RABGAP1: variants seen among roughly 807,000 people sequenced by gnomAD.
The protein encoded by RABGAP1 is rab GTPase-activating protein 1.
A neutral mutation model predicts 137.6 loss-of-function variants in RABGAP1; 23 were observed. The ratio of observed to expected loss-of-function variants is 0.17; its 90% CI spans 0.12 to 0.24. RABGAP1 has a LOEUF of 0.24. RABGAP1 is among the 10% of genes least tolerant of loss of function. RABGAP1 has a pLI of 1.00. For missense variants in RABGAP1, 906 were observed against 1,275.8 expected, an observed-to-expected ratio of 0.71 and a Z score of 4.42; for synonymous variants, 451 against 450.7, an observed-to-expected ratio of 1.00 and a Z score of -0.01.
At chr9:123,029,103 C>G (rs114789951) in intron 13 of RABGAP1, among the ~76,000 whole-genome samples, 92 of 152,056 alleles carry the variant, frequency 6.1e-4, no homozygotes, top group African/African-American at 2.2e-3. Context: ...GGTGTAGTGG[C>G]AAAGGGATGG....
At chr9:122,982,589 C>T (rs1425570573) in intron 2 of RABGAP1, among the ~76,000 whole-genome samples, 2 of 152,154 alleles carry the variant, frequency 1.3e-5, no homozygotes, top group Non-Finnish European at 1.5e-5. Flanking sequence ...TAACTCTATT[C>T]CTATATGTTA....
At chr9:122,969,035 A>G (rs1180979667) in intron 2 of RABGAP1, among the ~76,000 whole-genome samples, 3 of 152,254 alleles carry the variant, frequency 2.0e-5, no homozygotes, top group Non-Finnish European at 4.4e-5. Flanking sequence ...AAATACCCGT[A>G]TAGTCATGCA....
chr9:123,023,610 T>C (rs1286130126), intron 13 of RABGAP1, among the ~76,000 whole-genome samples: 2 of 152,210 alleles, frequency 1.3e-5, no homozygotes, highest in Admixed American at 6.5e-5. Flanking sequence ...AAAAATTGTT[T>C]AGAGTATTCC....
intron 16 of RABGAP1, 111 bp downstream of exon 16, chr9:123,073,788 T>C: frequency 7.1e-7 from 1 of 1,405,624 alleles, no homozygotes; most frequent in Non-Finnish European, 9.8e-7. Context: ...GATCCGTGGC[T>C]AAGGATGGGT....
At chr9:123,057,773 G>T (rs1455391709) in intron 13 of RABGAP1, among the ~76,000 whole-genome samples, 1 of 152,216 alleles carries the variant, frequency 6.6e-6, no homozygotes, top group African/African-American at 2.4e-5. Context: ...ATTGAGCACT[G>T]AGTGAACGAG....
At chr9:123,097,588 C>T (rs764935022) in intron 21 of RABGAP1, among the ~76,000 whole-genome samples, 153 bp from the exon 22 acceptor site, 42 of 152,316 alleles carry the variant, frequency 2.8e-4, no homozygotes, top group Middle Eastern at 3.4e-3. Context: ...GGCACTTATG[C>T]ATGAGTGTAT....
chr9:123,091,533 G>C (rs1050028820), intron 21 of RABGAP1, among the ~76,000 whole-genome samples: 2 of 152,106 alleles, frequency 1.3e-5, no homozygotes, highest in African/African-American at 4.8e-5. Context: ...TCTGCTTTCA[G>C]CTCACCTTGG....
At chr9:123,082,144 C>A (rs1186695480) in intron 19 of RABGAP1, among the ~76,000 whole-genome samples, 1 of 151,610 alleles carries the variant, frequency 6.6e-6, no homozygotes, top group Non-Finnish European at 1.5e-5. Context: ...CTTTTTCAGG[C>A]CTTTTACTTC....
intron 13 of RABGAP1, among the ~76,000 whole-genome samples, chr9:123,045,453 T>C (rs1392654692): frequency 2.6e-5 from 4 of 152,216 alleles, no homozygotes; most frequent in African/African-American, 9.6e-5. Context: ...TCATTCCTAC[T>C]TAAGTTTTGT....
intron 1 of RABGAP1, among the ~76,000 whole-genome samples, chr9:122,950,377 C>CTTTTTTTTTTTTTTTTTTTTTTTTTT (rs200424486): frequency 6.7e-3 from 498 of 74,388 alleles, no homozygotes; most frequent in Non-Finnish European, 8.0e-3. Flanking sequence ...CTTTTTCTTT[C>CTTTTTTTTTTTTTTTTTTTTTTTTTT]TTTTTTTTTT....
intron 13 of RABGAP1, among the ~76,000 whole-genome samples, chr9:123,035,882 G>A (rs2032629394): frequency 6.6e-6 from 1 of 152,134 alleles, no homozygotes; most frequent in Non-Finnish European, 1.5e-5. Context: ...TCTTGGAAAT[G>A]ACTACAGTTC....
intron 13 of RABGAP1, among the ~76,000 whole-genome samples, chr9:123,037,506 T>G (rs1352815509): frequency 1.3e-5 from 2 of 152,232 alleles, no homozygotes; most frequent in East Asian, 3.8e-4. Context: ...AAACCTTTTC[T>G]GTTAGATTCT....
chr9:122,949,736 A>T (rs1409424912), intron 1 of RABGAP1, among the ~76,000 whole-genome samples: 4 of 150,842 alleles, frequency 2.7e-5, no homozygotes, highest in African/African-American at 9.7e-5. Flanking sequence ...TGTTGATATT[A>T]TTTTACTGTG....
At chr9:123,066,458 C>G (rs1210738323) in intron 14 of RABGAP1, among the ~76,000 whole-genome samples, 1 of 152,190 alleles carries the variant, frequency 6.6e-6, no homozygotes, top group Non-Finnish European at 1.5e-5. Flanking sequence ...ACTTTTGACT[C>G]CACTATATTC....
chr9:123,013,456 T>G (rs971105979), intron 11 of RABGAP1, among the ~76,000 whole-genome samples: 6 of 151,872 alleles, frequency 4.0e-5, no homozygotes, highest in Non-Finnish European at 1.5e-5. Context: ...CTCAGCCTCC[T>G]GAGTAGCTGG....
intron 13 of RABGAP1, among the ~76,000 whole-genome samples, chr9:123,042,993 A>C (rs1369876695): frequency 6.6e-6 from 1 of 152,198 alleles, no homozygotes; most frequent in African/African-American, 2.4e-5. Context: ...TTTTGCCACA[A>C]TAAAGCTAGA....
upstream of RABGAP1, chr9:122,937,684 T>C (rs1243893603): frequency 1.3e-5 from 2 of 152,028 alleles, no homozygotes; most frequent in Non-Finnish European, 2.9e-5. Flanking sequence ...TAGACTATCA[T>C]TAAAGAGAAA....
At chr9:123,097,896 G>A (rs376172182) in intron 22 of RABGAP1, 51 bp downstream of exon 22, 30 of 1,497,692 alleles carry the variant, frequency 2.0e-5, no homozygotes, top group Non-Finnish European at 2.6e-5. Flanking sequence ...TGAGAACTGG[G>A]AGTTCAGCTG....
intron 24 of RABGAP1, among the ~76,000 whole-genome samples, chr9:123,100,126 T>C (rs2035297138): frequency 6.6e-6 from 1 of 152,172 alleles, no homozygotes; most frequent in South Asian, 2.1e-4. Flanking sequence ...AGTTTAGAAC[T>C]TTAATTGTTT....
Sources: allele counts gnomAD v4.1 joint callset (sites outside exome capture counted in the v4.1 genomes callset), GRCh38; gene constraint gnomAD v4.1.1; transcripts MANE v1.5; gene names NCBI Gene and HGNC (gene_info 2026-07-23, HGNC 2026-07-21).